FRAS1: variants seen among roughly 807,000 people sequenced by gnomAD.
FRAS1 encodes the protein Fraser extracellular matrix complex subunit 1.
A neutral mutation model predicts 435.2 loss-of-function variants in FRAS1; 290 were observed. The observed-to-expected ratio is 0.67, with a 90% CI of 0.61 to 0.73. FRAS1 has a LOEUF of 0.73. Among genes scored for constraint, FRAS1 ranks in the 30% least tolerant of loss-of-function variants. FRAS1 has a pLI of 0.00. For synonymous variants in FRAS1, 1,800 were observed against 1,851.0 expected (o/e 0.97, Z 0.71); for missense variants, 4,860 against 5,001.5 (o/e 0.97, Z 0.85).
At chr4:78,492,902 T>C (rs1468098197) in intron 59 of FRAS1, among the ~76,000 whole-genome samples, 1 of 152,202 alleles carries the variant, frequency 6.6e-6, no homozygotes, top group Non-Finnish European at 1.5e-5. Flanking sequence ...CTTTGCAATC[T>C]ATCCATCTGA....
intron 29 of FRAS1, among the ~76,000 whole-genome samples, chr4:78,388,851 G>A (rs1256451911): frequency 6.6e-6 from 1 of 152,052 alleles, no homozygotes; most frequent in Admixed American, 6.6e-5. Context: ...CTGAGTCATT[G>A]ACATGCCACC....
At chr4:78,436,153 C>T (rs971751854) in intron 38 of FRAS1, among the ~76,000 whole-genome samples, 5 of 151,980 alleles carry the variant, frequency 3.3e-5, no homozygotes, top group East Asian at 3.9e-4. Context: ...GAAAATATAA[C>T]ACTCCTGCAG....
intron 54 of FRAS1, 29 bp from the exon 55 acceptor site, chr4:78,477,786 T>G: frequency 9.4e-6 from 15 of 1,600,254 alleles, no homozygotes; most frequent in Non-Finnish European, 1.3e-5. Context: ...GAGGCACAGC[T>G]TAACTTCTTG....
intron 69 of FRAS1, among the ~76,000 whole-genome samples, chr4:78,523,551 A>G (rs1721451684): frequency 2.0e-5 from 3 of 152,230 alleles, no homozygotes; most frequent in Non-Finnish European, 4.4e-5. Flanking sequence ...TGTCATAAAT[A>G]TATGATCCCC....
chr4:78,232,025 G>T (rs1724537728), intron 2 of FRAS1, among the ~76,000 whole-genome samples: 1 of 152,078 alleles, frequency 6.6e-6, no homozygotes, highest in African/African-American at 2.4e-5. Flanking sequence ...TGTCGGAATT[G>T]CAATAGCAAC....
intron 50 of FRAS1, among the ~76,000 whole-genome samples, chr4:78,468,983 C>T (rs1028948128): frequency 1.3e-5 from 2 of 152,150 alleles, no homozygotes; most frequent in Non-Finnish European, 1.5e-5. Flanking sequence ...GCTGGTATGT[C>T]GGTGGGATGG....
chr4:78,092,173 C>G (rs1227809709), intron 2 of FRAS1, among the ~76,000 whole-genome samples: 2 of 151,892 alleles, frequency 1.3e-5, no homozygotes, highest in African/African-American at 2.4e-5. Context: ...GACCTGAGTT[C>G]AAATCCCACT....
At chr4:78,256,917 A>C (rs984119043) in intron 6 of FRAS1, among the ~76,000 whole-genome samples, 3 of 152,174 alleles carry the variant, frequency 2.0e-5, no homozygotes, top group Non-Finnish European at 2.9e-5. Context: ...ATACCTGATG[A>C]TAGTTTGTTA....
At chr4:78,368,171 T>C (rs954316376) in intron 22 of FRAS1, among the ~76,000 whole-genome samples, 33 of 151,806 alleles carry the variant, frequency 2.2e-4, no homozygotes, top group Admixed American at 1.5e-3. Flanking sequence ...AAATTTGGTC[T>C]CATCTAAGCT....
Position 78,315,666 on chromosome 4 carries a change from T to C in FRAS1, c.1751T>C (p.Leu584Pro). ...RCLTCTEKTV[L>P]HDGKCMSECP... Reference sequence around the variant, plus strand: ...CTTACCTGTACTGAGAAGACAGTGCTGCATGATGGGAAATGCATGTCTGAA... The same window carrying C: ...CTTACCTGTACTGAGAAGACAGTGCCGCATGATGGGAAATGCATGTCTGAA... The change falls in exon 16 of 74, where the codon CTG becomes CCG. Residue 584 changes from leucine to proline, a missense_variant. Physicochemically the swap from Leu to Pro is moderately conservative, Grantham distance 98. Coordinates refer to ENST00000512123, the MANE Select transcript of FRAS1 (RefSeq NM_025074.7). 6.2e-7 allele frequency: 1 copy of C among 1,614,030 alleles called. No homozygotes were observed. The highest frequency in any genetic ancestry group is 8.5e-7 in the Non-Finnish European group (1 of 1,179,880).
intron 2 of FRAS1, among the ~76,000 whole-genome samples, chr4:78,166,047 G>A (rs1721321156): frequency 6.6e-6 from 1 of 152,102 alleles, no homozygotes. Flanking sequence ...TTTACTACAG[G>A]CCCCTCTCAG....
Position 78,470,027 on chromosome 4 carries a change from A to G in FRAS1, c.7307A>G (p.Asp2436Gly). 1 of 1,613,808 alleles carries G rather than the reference A, an allele frequency of 6.2e-7. No homozygotes were observed. The highest frequency in any genetic ancestry group is 8.5e-7 in the Non-Finnish European group (1 of 1,179,820). The change falls in exon 51 of 74, where the codon GAT (aspartate) becomes GGT (glycine). Residue 2436 changes from aspartate to glycine, a missense_variant. Physicochemically the swap from Asp to Gly is moderately conservative, Grantham distance 94. Coordinates refer to ENST00000512123, the MANE Select transcript of FRAS1 (RefSeq NM_025074.7). The part of the protein sequence containing the change: ...QPFRVDILPV[D>G]DGTPRIVTNL... ...TTCCGAGTAGACATCCTCCCGGTAG[A>G]TGATGGCACGCCTAGAATTGTCACC...
intron 48 of FRAS1, 81 bp from the exon 49 acceptor site, chr4:78,464,362 A>T (rs1719458336): frequency 6.4e-7 from 1 of 1,564,254 alleles, no homozygotes; most frequent in African/African-American, 1.4e-5. Flanking sequence ...TGTGAAAGAG[A>T]AAAGTAGAGA....
At chr4:78,086,811 C>T (rs532360306) in intron 2 of FRAS1, among the ~76,000 whole-genome samples, 14 of 152,136 alleles carry the variant, frequency 9.2e-5, no homozygotes, top group Non-Finnish European at 1.5e-4. Context: ...AGTCCAGGAC[C>T]AGATGGATTC....
intron 70 of FRAS1, among the ~76,000 whole-genome samples, chr4:78,529,274 C>T (rs4975138): frequency 0.14 from 20,783 of 152,058 alleles, 1,612 homozygotes; most frequent in East Asian, 0.23. Flanking sequence ...TAAGGAAGAA[C>T]AATGGGAAAA....
chr4:78,075,963 T>C (rs1000105178), intron 2 of FRAS1, among the ~76,000 whole-genome samples: 11 of 152,204 alleles, frequency 7.2e-5, no homozygotes, highest in Non-Finnish European at 1.2e-4. Flanking sequence ...GAATAAGGCA[T>C]TTGAATTACA....
chr4:78,292,975 T>G (rs1324310166), intron 14 of FRAS1, among the ~76,000 whole-genome samples: 1 of 152,200 alleles, frequency 6.6e-6, no homozygotes, highest in African/African-American at 2.4e-5. Flanking sequence ...GACTTGTTGC[T>G]TCAAGTGGTA....
chr4:78,258,830 A>G (rs1407016194), intron 6 of FRAS1, among the ~76,000 whole-genome samples: 3 of 130,954 alleles, frequency 2.3e-5, no homozygotes, highest in African/African-American at 8.4e-5. Context: ...AGCATTAGGT[A>G]TATCTCCCAA....
At chr4:78,426,801 T>G (rs757150891) in intron 35 of FRAS1, among the ~76,000 whole-genome samples, 23 of 152,218 alleles carry the variant, frequency 1.5e-4, no homozygotes, top group Non-Finnish European at 2.5e-4. Flanking sequence ...GCTGACATTT[T>G]GATTGGAAGT....
Sources: gnomAD v4.1 joint callset for allele counts (sites outside exome capture counted in the v4.1 genomes callset) on GRCh38, gnomAD v4.1.1 for gene constraint, MANE v1.5 for transcripts, NCBI Gene and HGNC (gene_info 2026-07-23, HGNC 2026-07-21) for gene names.